Variants in GRID2 observed in about 807,000 individuals in gnomAD.
The protein encoded by GRID2 is glutamate ionotropic receptor delta type subunit 2.
A neutral mutation model predicts 114.8 loss-of-function variants in GRID2; 33 were observed. That is an observed-to-expected ratio of 0.29 (90% CI 0.22 to 0.38). The LOEUF (loss-of-function observed/expected upper bound fraction) is 0.38, where lower values mean the gene tolerates loss of function less well. Ranked by LOEUF, GRID2 falls within the 10% of genes least tolerant of loss-of-function variation. The pLI, the probability that GRID2 is intolerant of heterozygous loss-of-function variation, is 1.00. For missense variants in GRID2, 1,184 were observed against 1,257.7 expected, an observed-to-expected ratio of 0.94 and a Z score of 0.89; for synonymous variants, 505 against 449.9, an observed-to-expected ratio of 1.12 and a Z score of -1.55.
Position 92,409,381 on chromosome 4 carries a change from A to G in GRID2, c.88+104637A>G, listed in dbSNP as rs536752941. Among the ~76,000 whole-genome samples the G allele has an allele frequency of 1.6e-3, 244 of 152,308 alleles. No homozygotes were observed. In the Middle Eastern group the frequency reaches 0.017, roughly 11 times the overall value. ...GTTCAAAAAAATCACACAAGGGCCT[A>G]GAGACCTGAAGATGAACTCTAGAGA... is the stretch of plus-strand genomic sequence containing the variant. On this transcript the variant is annotated intron_variant, in intron 1 of 15. Coordinates refer to ENST00000282020, the MANE Select transcript of GRID2 (RefSeq NM_001510.4).
chr4:92,584,162 G>A (rs1461584374), intron 1 of GRID2, among the ~76,000 whole-genome samples: 2 of 151,842 alleles, frequency 1.3e-5, no homozygotes, highest in East Asian at 3.9e-4. Flanking sequence ...TGAACTGAGG[G>A]TAACATGAAT....
At chr4:93,021,720 TA>T (rs1181867741) in intron 2 of GRID2, among the ~76,000 whole-genome samples, 1 of 145,730 alleles carries the variant, frequency 6.9e-6, no homozygotes, top group Non-Finnish European at 1.5e-5. Flanking sequence ...TAATTATTTA[TA>T]ATATGTATAT....
intron 8 of GRID2, among the ~76,000 whole-genome samples, chr4:93,327,761 T>G (rs909857900): frequency 8.6e-5 from 13 of 151,798 alleles, no homozygotes; most frequent in Admixed American, 6.6e-5. Context: ...GGGGGGATGA[T>G]GAGAAATTCC....
In GRID2 at chr4:93,108,691, C is replaced by T. The variant is rs1732483095; in HGVS notation, c.530-2057C>T. 1.3e-5 allele frequency among the ~76,000 whole-genome samples: 2 copies of T among 150,392 alleles called. 1 individual carries two copies. Among genetic ancestry groups the T allele is most frequent in the South Asian group, 4.2e-4 (2 of 4,782 alleles). ...TGTCACCCAGGCTGGAGTGCAGTGG[C>T]ATGATCTCGGTTCACTGCAACCTCC... is the stretch of plus-strand genomic sequence containing the variant. On this transcript the variant is annotated intron_variant, in intron 3 of 15. Transcript: ENST00000282020.
chr4:93,008,079 A>T (rs1721748811), intron 2 of GRID2, among the ~76,000 whole-genome samples: 1 of 151,680 alleles, frequency 6.6e-6, no homozygotes, highest in African/African-American at 2.4e-5. Context: ...TAGGTAATAG[A>T]TGGCAGTCAA....
At chr4:92,782,853 G>T (rs191365621) in intron 2 of GRID2, among the ~76,000 whole-genome samples, 8 of 152,164 alleles carry the variant, frequency 5.3e-5, no homozygotes. Context: ...AGTTGGATTA[G>T]TACTAAAAGA....
intron 2 of GRID2, among the ~76,000 whole-genome samples, chr4:92,690,069 A>C (rs1451216878): frequency 6.6e-6 from 1 of 152,062 alleles, no homozygotes; most frequent in Admixed American, 6.6e-5. Flanking sequence ...CCCTTAAAAA[A>C]ATTTTTTTAA....
intron 1 of GRID2, among the ~76,000 whole-genome samples, chr4:92,342,849 G>A (rs534943586): frequency 2.2e-4 from 33 of 152,100 alleles, no homozygotes; most frequent in South Asian, 1.3e-3. Flanking sequence ...TATTCTCTTC[G>A]TCACAAACTA....
rs546836338 is a variant in GRID2, at chr4:92,944,060, A to G, written c.245-140935A>G. Reference sequence around the variant, plus strand: ...ACCCACTTGAGGAGGCAATCTGTCCATTCTCAGATCTCCAACTGCATGCTG... The same window carrying G: ...ACCCACTTGAGGAGGCAATCTGTCCGTTCTCAGATCTCCAACTGCATGCTG... On this transcript the variant is annotated intron_variant, in intron 2 of 15. Transcript: ENST00000282020. Among the ~76,000 whole-genome samples, 365 of 152,276 alleles carry G rather than the reference A, an allele frequency of 2.4e-3. 3 individuals carry two copies. The highest frequency in any genetic ancestry group is 3.4e-3 in the Middle Eastern group (1 of 294).
intron 1 of GRID2, among the ~76,000 whole-genome samples, chr4:93,790,653 T>TA (rs1734677167): frequency 6.6e-6 from 1 of 152,176 alleles, no homozygotes; most frequent in African/African-American, 2.4e-5. Context: ...ATAACATTTT[T>TA]AAAAACTAAT....
intron 4 of GRID2, among the ~76,000 whole-genome samples, chr4:93,116,434 G>T (rs906990268): frequency 1.2e-4 from 19 of 152,254 alleles, no homozygotes; most frequent in Admixed American, 9.2e-4. Flanking sequence ...AAAGTATTAA[G>T]ATATGATTAT....
intron 1 of GRID2, among the ~76,000 whole-genome samples, chr4:92,450,925 A>C (rs1041875341): frequency 6.7e-6 from 1 of 149,386 alleles, no homozygotes; most frequent in East Asian, 1.9e-4. Flanking sequence ...TATTTAAATA[A>C]ATTTAAATTA....
chr4:92,995,549 G>T (rs2149209777), intron 2 of GRID2, among the ~76,000 whole-genome samples: 1 of 152,302 alleles, frequency 6.6e-6, no homozygotes, highest in South Asian at 2.1e-4. Flanking sequence ...TAACTGAAGT[G>T]AAGTAATAAG....
chr4:92,537,783 C>CA (rs1352388073), intron 1 of GRID2, among the ~76,000 whole-genome samples: 3 of 79,366 alleles, frequency 3.8e-5, no homozygotes, highest in Non-Finnish European at 5.4e-5. Context: ...CAAAAACTTG[C>CA]GGTGTGTGTG....
intron 8 of GRID2, among the ~76,000 whole-genome samples, chr4:93,311,547 G>A (rs1756015671): frequency 6.6e-6 from 1 of 152,126 alleles, no homozygotes; most frequent in Non-Finnish European, 1.5e-5. Flanking sequence ...AATGAGGCAG[G>A]GATTACTTTT....
intron 1 of GRID2, among the ~76,000 whole-genome samples, chr4:92,484,200 C>T (rs929613243): frequency 1.3e-5 from 2 of 152,058 alleles, no homozygotes; most frequent in Non-Finnish European, 2.9e-5. Context: ...GTAATTGTAA[C>T]CTACCCAAAG....
intron 8 of GRID2, among the ~76,000 whole-genome samples, chr4:93,351,141 AG>A (rs1760760396): frequency 6.6e-6 from 1 of 152,090 alleles, no homozygotes. Flanking sequence ...TTACAATTAA[AG>A]GTGAGATTTG....
At chr4:93,791,681 A>G (rs2110359149) in intron 1 of GRID2, among the ~76,000 whole-genome samples, 1 of 152,340 alleles carries the variant, frequency 6.6e-6, no homozygotes. Context: ...ACAGAGTCAC[A>G]CTGAGAGTCC....
intron 2 of GRID2, among the ~76,000 whole-genome samples, chr4:92,911,347 C>A (rs572405303): frequency 6.6e-6 from 1 of 151,974 alleles, no homozygotes; most frequent in African/African-American, 2.4e-5. Context: ...CTTTTCTTTG[C>A]GAAGAATTTA....
Sources: allele counts gnomAD v4.1 joint callset (sites outside exome capture counted in the v4.1 genomes callset), GRCh38; gene constraint gnomAD v4.1.1; transcripts MANE v1.5; gene names NCBI Gene and HGNC (gene_info 2026-07-23, HGNC 2026-07-21).